The following SNURF variants were observed in gnomAD, a reference collection of about 807,000 sequenced individuals.
The protein encoded by SNURF is SNRPN upstream open reading frame.
A neutral mutation model predicts 11.6 loss-of-function variants in SNURF; 6 were observed. That is an observed-to-expected ratio of 0.52 (90% CI 0.28 to 1.02). SNURF has a LOEUF of 1.02. Among genes scored for constraint, SNURF ranks in the 50% least tolerant of loss-of-function variants. SNURF has a pLI of 0.09. For missense variants in SNURF, 84 were observed against 88.4 expected (o/e 0.95, Z 0.20); for synonymous variants, 29 against 31.6 (o/e 0.92, Z 0.27).
chr15:24,977,951 T>G (rs1483149055), downstream of SNURF: 1 of 1,520,804 alleles, frequency 6.6e-7, no homozygotes, highest in Non-Finnish European at 8.8e-7. Context: ...CGAACTTGAA[T>G]CTCTGATGAG....
exon 7 of SNURF, chr15:24,977,824 C>T (rs372352489): frequency 8.1e-6 from 13 of 1,613,258 alleles, no homozygotes; most frequent in Non-Finnish European, 1.0e-5. Flanking sequence ...GCTGCTGTTG[C>T]TGCGACTGCC....
At chr15:24,960,799 G>A (rs1430400559) in intron 1 of SNURF, among the ~76,000 whole-genome samples, 2 of 152,002 alleles carry the variant, frequency 1.3e-5, no homozygotes, top group African/African-American at 4.8e-5. Context: ...ACTTTTTTGA[G>A]GTGTGAGTGA....
chr15:24,957,085 C>T (rs1411463271), intron 1 of SNURF, among the ~76,000 whole-genome samples: 1 of 152,004 alleles, frequency 6.6e-6, no homozygotes, highest in Admixed American at 6.6e-5. Flanking sequence ...TTGTTAACCC[C>T]TTTTTTTTAA....
intron 3 of SNURF, chr15:24,974,273 T>G: frequency 1.6e-6 from 1 of 614,422 alleles, no homozygotes; most frequent in Non-Finnish European, 3.0e-6. Flanking sequence ...TAAAACATGG[T>G]AGATTGCAGT....
downstream of SNURF, among the ~76,000 whole-genome samples, chr15:24,971,834 A>G (rs2076443350): frequency 6.6e-6 from 1 of 152,234 alleles, no homozygotes; most frequent in African/African-American, 2.4e-5. Context: ...GAACTGTGCA[A>G]TCATTGCCAT....
At chr15:24,978,239 A>C (rs760673179), downstream of SNURF, 20 of 1,613,822 alleles carry the variant, frequency 1.2e-5, no homozygotes, top group Non-Finnish European at 1.6e-5. Context: ...TGGGCCCACC[A>C]ATTGGGCTTC....
intron 3 of SNURF, chr15:24,974,715 A>G (rs1393410196): frequency 1.6e-6 from 1 of 607,714 alleles, no homozygotes; most frequent in African/African-American, 1.9e-5. Flanking sequence ...TGGGTTCAAG[A>G]GATTCTCGTG....
chr15:24,962,427 C>T (rs376487577), intron 2 of SNURF, among the ~76,000 whole-genome samples: 15 of 152,130 alleles, frequency 9.9e-5, no homozygotes, highest in Middle Eastern at 3.2e-3. Context: ...TTTTCCTATA[C>T]GTGGGTAAGT....
At chr15:24,965,248 A>G (rs2075436114) in intron 2 of SNURF, among the ~76,000 whole-genome samples, 1 of 152,154 alleles carries the variant, frequency 6.6e-6, no homozygotes, top group African/African-American at 2.4e-5. Context: ...CTAAAGATCA[A>G]TGAAGGAGGC....
At chr15:24,978,037 G>T, downstream of SNURF, 1 of 1,217,156 alleles carries the variant, frequency 8.2e-7, no homozygotes, top group Non-Finnish European at 1.2e-6. Flanking sequence ...CTAGATACTG[G>T]TTTTTAATGA....
chr15:24,954,997 G>A, exon 1 of SNURF: 1 of 1,610,300 alleles, frequency 6.2e-7, no homozygotes, highest in African/African-American at 1.3e-5. Flanking sequence ...GCAGAGTGGA[G>A]CGGCCGCCGG....
intron 1 of SNURF, chr15:24,958,598 GTCTC>G (rs1264457792): frequency 7.0e-6 from 1 of 143,570 alleles, no homozygotes; most frequent in Non-Finnish European, 1.5e-5. Flanking sequence ...TCCCTCCTCA[GTCTC>G]TCTCTGGCCA....
intron 3 of SNURF, chr15:24,974,625 A>AT: frequency 1.4e-6 from 1 of 711,952 alleles, no homozygotes; most frequent in Non-Finnish European, 2.5e-6. Flanking sequence ...TGATTTTTTT[A>AT]TTTTTATTTT....
intron 1 of SNURF, among the ~76,000 whole-genome samples, chr15:24,959,886 C>T (rs919625398): frequency 6.6e-6 from 1 of 152,064 alleles, no homozygotes; most frequent in Non-Finnish European, 1.5e-5. Flanking sequence ...TTTACTTAGC[C>T]CTCGTATATG....
intron 4 of SNURF, among the ~76,000 whole-genome samples, chr15:24,976,127 C>T (rs930548042): frequency 1.3e-5 from 2 of 152,210 alleles, no homozygotes; most frequent in African/African-American, 4.8e-5. Context: ...AAAATAGCTT[C>T]ACTATTTACC....
downstream of SNURF, among the ~76,000 whole-genome samples, chr15:24,972,708 G>C (rs1345475380): frequency 6.6e-6 from 1 of 151,762 alleles, no homozygotes; most frequent in Non-Finnish European, 1.5e-5. Context: ...TACAATTCTG[G>C]CTAGATTTGG....
intron 5 of SNURF, chr15:24,976,823 A>G: frequency 6.6e-7 from 1 of 1,514,222 alleles, no homozygotes; most frequent in Non-Finnish European, 9.1e-7. Flanking sequence ...ATGAATAAGA[A>G]TACTGAGAAC....
intron 1 of SNURF, among the ~76,000 whole-genome samples, chr15:24,961,724 T>C (rs895157648): frequency 1.4e-4 from 21 of 152,198 alleles, no homozygotes; most frequent in African/African-American, 4.8e-4. Flanking sequence ...CCTAAAAATA[T>C]TTTTTGAAAC....
At chr15:24,978,549 G>A (rs1257938183), downstream of SNURF, 1 of 1,011,134 alleles carries the variant, frequency 9.9e-7, no homozygotes, top group African/African-American at 1.6e-5. Context: ...ATTAATAATA[G>A]CTAATAATAA....
Sources: allele counts gnomAD v4.1 joint callset (sites outside exome capture counted in the v4.1 genomes callset), GRCh38; gene constraint gnomAD v4.1.1; transcripts MANE v1.5; gene names NCBI Gene and HGNC (gene_info 2026-07-23, HGNC 2026-07-21).